EXOC4: variants seen among roughly 807,000 people sequenced by gnomAD.
EXOC4 encodes the protein SEC8-like 1.
Under a neutral mutation model 107.2 loss-of-function variants are expected in EXOC4, and 71 were observed. The observed-to-expected ratio is 0.66, with a 90% CI of 0.55 to 0.81. The LOEUF is 0.81. Among genes scored for constraint, EXOC4 ranks in the 30% least tolerant of loss-of-function variants. EXOC4 has a pLI of 0.00. For synonymous variants in EXOC4, 456 were observed against 441.2 expected (o/e 1.03, Z -0.42); for missense variants, 1,108 against 1,189.6 (o/e 0.93, Z 1.01).
At chr7:133,620,211 G>A (rs1802297110) in intron 9 of EXOC4, among the ~76,000 whole-genome samples, 1 of 151,750 alleles carries the variant, frequency 6.6e-6, no homozygotes, top group African/African-American at 2.4e-5. Flanking sequence ...ATTTTTAATA[G>A]AGACCAGGTT....
chr7:134,084,494 A>G, the EXOC4 span, among the ~76,000 whole-genome samples: 202 of 152,282 alleles, frequency 1.3e-3, no homozygotes, highest in African/African-American at 4.8e-3. Context: ...AGCTGATCAG[A>G]GAGAAGGTCC....
intron 7 of EXOC4, among the ~76,000 whole-genome samples, chr7:133,446,082 C>CT (rs1360890608): frequency 6.6e-6 from 1 of 150,578 alleles, no homozygotes; most frequent in Non-Finnish European, 1.5e-5. Context: ...AGGAAGATCT[C>CT]TTTTCTTTCT....
chr7:133,845,885 G>A (rs1452117538), intron 11 of EXOC4, among the ~76,000 whole-genome samples: 2 of 152,142 alleles, frequency 1.3e-5, no homozygotes, highest in African/African-American at 4.8e-5. Flanking sequence ...AGAATGTTGT[G>A]TGTCTGGTTG....
chr7:133,522,652 T>C (rs1800001433), intron 9 of EXOC4, among the ~76,000 whole-genome samples: 1 of 152,140 alleles, frequency 6.6e-6, no homozygotes, highest in Admixed American at 6.5e-5. Context: ...GTGCAGATTT[T>C]GAAAAAACCA....
At chr7:133,360,540 A>G (rs1361498155) in intron 6 of EXOC4, among the ~76,000 whole-genome samples, 1 of 152,230 alleles carries the variant, frequency 6.6e-6, no homozygotes, top group Non-Finnish European at 1.5e-5. Flanking sequence ...AACCATTTTA[A>G]AAGGTTCATT....
At chr7:133,499,133 C>T (rs566651709) in intron 9 of EXOC4, among the ~76,000 whole-genome samples, 3 of 151,090 alleles carry the variant, frequency 2.0e-5, no homozygotes, top group African/African-American at 7.3e-5. Context: ...AAAAATTACC[C>T]CAGACCAGGT....
chr7:133,753,750 T>C (rs927729288), intron 10 of EXOC4, among the ~76,000 whole-genome samples: 4 of 152,132 alleles, frequency 2.6e-5, no homozygotes, highest in African/African-American at 9.6e-5. Flanking sequence ...GCATGCTGAG[T>C]GTATTTAGTG....
chr7:133,451,519 T>G (rs955327712), intron 7 of EXOC4, among the ~76,000 whole-genome samples: 5 of 152,040 alleles, frequency 3.3e-5, no homozygotes, highest in Admixed American at 2.6e-4. Context: ...AGAAAATTAT[T>G]TCTCTTGTAT....
Position 134,043,355 on chromosome 7 carries a change from A to G in EXOC4, c.2688-20936A>G, listed in dbSNP as rs560293805. Among the ~76,000 whole-genome samples the G allele has an allele frequency of 2.6e-5, 4 of 152,268 alleles. No homozygotes were observed. The East Asian group carries it at 7.7e-4, about 29-fold the overall frequency. On this transcript the variant is annotated intron_variant, in intron 17 of 17. Transcript: ENST00000253861. Reference sequence around the variant, plus strand: ...AGGGGTGGGATTTTTTCCCCCAAGCAACTATTACTGAAACACATCACTGCT... The same window carrying G: ...AGGGGTGGGATTTTTTCCCCCAAGCGACTATTACTGAAACACATCACTGCT...
At chr7:133,300,562 C>T (rs143130423) in intron 3 of EXOC4, among the ~76,000 whole-genome samples, 76 of 152,276 alleles carry the variant, frequency 5.0e-4, no homozygotes, top group Middle Eastern at 3.4e-3. Context: ...ACAAAAGTTA[C>T]GTGGATGCTG....
intron 10 of EXOC4, among the ~76,000 whole-genome samples, chr7:133,659,748 A>T (rs1803394363): frequency 6.6e-6 from 1 of 152,082 alleles, no homozygotes; most frequent in African/African-American, 2.4e-5. Flanking sequence ...TGTCTCCCCG[A>T]TTTCCCATTT....
intron 9 of EXOC4, among the ~76,000 whole-genome samples, chr7:133,496,744 A>G (rs570990747): frequency 7.2e-5 from 11 of 152,236 alleles, no homozygotes; most frequent in African/African-American, 2.4e-4. Flanking sequence ...AATGACCCCA[A>G]TGACCAGACC....
chr7:133,513,306 C>T (rs958259916), intron 9 of EXOC4, among the ~76,000 whole-genome samples: 2 of 152,086 alleles, frequency 1.3e-5, no homozygotes, highest in South Asian at 2.1e-4. Flanking sequence ...TGAGCTCAAG[C>T]GATCCATCGC....
At chr7:133,763,133 A>G in intron 10 of EXOC4, among the ~76,000 whole-genome samples, 1 of 152,120 alleles carries the variant, frequency 6.6e-6, no homozygotes, top group East Asian at 1.9e-4. Context: ...GTAGAGAATC[A>G]CCATATGGGG....
chr7:133,608,939 T>C (rs569074755), intron 9 of EXOC4, among the ~76,000 whole-genome samples: 56 of 152,240 alleles, frequency 3.7e-4, no homozygotes, highest in Non-Finnish European at 7.1e-4. Context: ...ATATAACTTA[T>C]ATGTTCATTT....
chr7:133,453,871 AT>A (rs1313574154), intron 7 of EXOC4, among the ~76,000 whole-genome samples: 2 of 152,084 alleles, frequency 1.3e-5, no homozygotes, highest in Non-Finnish European at 2.9e-5. Flanking sequence ...CAGCTAGATG[AT>A]TTTCTTTGTA....
chr7:133,473,683 A>G (rs914138202), intron 7 of EXOC4, among the ~76,000 whole-genome samples: 1 of 150,550 alleles, frequency 6.6e-6, no homozygotes, highest in Non-Finnish European at 1.5e-5. Flanking sequence ...AGTTTCTTGA[A>G]TGCACCAATA....
intron 7 of EXOC4, among the ~76,000 whole-genome samples, chr7:133,376,159 G>A (rs1228350232): frequency 6.6e-6 from 1 of 152,046 alleles, no homozygotes; most frequent in Non-Finnish European, 1.5e-5. Context: ...TTGATTCCTG[G>A]TTTTTCATTC....
intron 10 of EXOC4, among the ~76,000 whole-genome samples, chr7:133,738,173 A>G (rs1015786353): frequency 6.6e-6 from 1 of 151,668 alleles, no homozygotes; most frequent in Admixed American, 6.6e-5. Flanking sequence ...CGGCCTCCCA[A>G]AGTGCTGGGA....
Sources: allele counts gnomAD v4.1 joint callset (sites outside exome capture counted in the v4.1 genomes callset), GRCh38; gene constraint gnomAD v4.1.1; transcripts MANE v1.5; gene names NCBI Gene and HGNC (gene_info 2026-07-23, HGNC 2026-07-21).